The following IL17RE variants were observed in gnomAD, a reference collection of about 807,000 sequenced individuals.
IL17RE encodes the protein interleukin 17 receptor E, also known as interleukin-17 receptor E.
Under a neutral mutation model 70.7 loss-of-function variants are expected in IL17RE, and 47 were observed. That is an observed-to-expected ratio of 0.67 (90% confidence interval 0.53 to 0.85). The LOEUF is 0.85. Among genes scored for constraint, IL17RE ranks in the 40% least tolerant of loss-of-function variants. The probability of loss-of-function intolerance (pLI) is 0.00; values close to 1 mark genes in which losing one functional copy is unlikely to be tolerated. For synonymous variants in IL17RE, 372 were observed against 381.2 expected, an observed-to-expected ratio of 0.98 and a Z score of 0.28; for missense variants, 850 against 893.9, an observed-to-expected ratio of 0.95 and a Z score of 0.63.
rs1379153906 is a variant in IL17RE at position 9,902,965 on chromosome 3, GCCTCTCCTCCTCATAGTCATCGAC to G, written c.35_58del (p.Pro12_Asp19del). The G allele has an allele frequency of 1.4e-5, 22 of 1,614,130 alleles. No individual in the cohort carries two copies. The highest frequency in any genetic ancestry group is 1.9e-5 in the Non-Finnish European group (22 of 1,180,048). On this transcript the variant is annotated inframe_deletion, in exon 1 of 16. Coordinates refer to ENST00000383814, the MANE Select transcript of IL17RE (RefSeq NM_153480.2). ...GCTCCAGACTGGCAGCCCTGCTCCT[GCCTCTCCTCCTCATAGTCATCGAC>G]CTCTCTGACTCTGCTGGGATTGGCT... is the stretch of plus-strand genomic sequence containing the variant.
At chr3:9,903,597 A>G (rs1333786421) in intron 2 of IL17RE, among the ~76,000 whole-genome samples, 185 bp downstream of exon 2, 34 of 152,176 alleles carry the variant, frequency 2.2e-4, no homozygotes, top group Non-Finnish European at 1.3e-4. Flanking sequence ...GTGGCCTCAG[A>G]CTGTGCACCT....
chr3:9,911,288 C>T lies in IL17RE; in HGVS notation c.1060C>T (p.Pro354Ser). Reference sequence around the variant, plus strand: ...TGGAAACAGCAGCCATGTTGAATGCCCCCACCAGACTGGTGAGTCAATAAG... The same window carrying T: ...TGGAAACAGCAGCCATGTTGAATGCTCCCACCAGACTGGTGAGTCAATAAG... ...SFGNSSHVEC[P>S]HQTGSLTSWN... Residue 354 changes from proline to serine, a missense_variant, in exon 11 of 16, where the codon CCC (proline) becomes TCC (serine). Pro to Ser is a moderately conservative substitution (Grantham distance 74). Coordinates refer to ENST00000383814, the MANE Select transcript of IL17RE (RefSeq NM_153480.2). 6.2e-7 allele frequency: 1 copy of T among 1,614,102 alleles called. No homozygotes were observed. Among genetic ancestry groups the T allele is most frequent in the Non-Finnish European group, 8.5e-7 (1 of 1,180,006 alleles).
intron 7 of IL17RE, 64 bp downstream of exon 7, chr3:9,908,371 T>G: frequency 7.1e-7 from 1 of 1,407,804 alleles, no homozygotes; most frequent in African/African-American, 1.4e-5. Flanking sequence ...GGTAGCGCAG[T>G]TGGTCAAGTA....
In IL17RE at chr3:9,915,516, C is replaced by T. The variant is rs1037975961; in HGVS notation, c.1713C>T (p.Asp571=). The T allele has an allele frequency of 7.3e-5, 96 of 1,319,192 alleles. No homozygotes were observed. Among genetic ancestry groups the T allele is most frequent in the East Asian group, 3.1e-4 (10 of 31,838 alleles). 81.7% of individuals were successfully genotyped at this position (1,319,192 alleles called of 1,614,324 possible). A position where few individuals can be genotyped will look rare whatever the true frequency, so the allele number is the denominator to read the frequency against. ...GADLRPVSGP[D]PRAAPLLALL... Reference sequence around the variant, plus strand: ...ACCTTCGCCCGGTCAGCGGCCCCGACCCCCGCGCCGCGCCCCTGCTCGCCC... The same window carrying T: ...ACCTTCGCCCGGTCAGCGGCCCCGATCCCCGCGCCGCGCCCCTGCTCGCCC... Residue 571 remains aspartate, a synonymous_variant, in exon 16 of 16, where the codon GAC becomes GAT. Transcript: ENST00000383814. The surrounding 1 kb of genome is among the most constrained non-coding windows in gnomAD (Gnocchi z 4.9).
rs777104213 is a variant in IL17RE at position 9,906,743 on chromosome 3, G to A, written c.404G>A (p.Ser135Asn). 1.2e-6 allele frequency: 2 copies of A among 1,614,158 alleles called. No homozygotes were observed. The highest frequency in any genetic ancestry group is 1.7e-6 in the Non-Finnish European group (2 of 1,180,038). The change falls in exon 5 of 16, where the codon AGC (serine) becomes AAC (asparagine). Residue 135 changes from serine to asparagine, a missense_variant. By Grantham distance (46) the Ser-to-Asn change is conservative. Coordinates refer to ENST00000383814, the MANE Select transcript of IL17RE (RefSeq NM_153480.2). ...CCTCGTCGTCACCTGTCTGAGAAGA[G>A]CCATCACATTTCCATCCCCTCCCCA... ...LLPRRHLSEK[S>N]HHISIPSPDI...
At chr3:9,902,567 T>C, upstream of IL17RE, 1 of 1,465,456 alleles carries the variant, frequency 6.8e-7, no homozygotes, top group Non-Finnish European at 9.2e-7. Flanking sequence ...AGTGTGCTGA[T>C]GGGTGGATCA....
chr3:9,906,283 T>A (rs1352945208), intron 3 of IL17RE, 81 bp from the exon 4 acceptor site: 15 of 587,056 alleles, frequency 2.6e-5, no homozygotes, highest in Non-Finnish European at 3.5e-5. Context: ...AAAATAAAAT[T>A]ACTTACTAAC....
chr3:9,903,127 T>G, intron 1 of IL17RE, 63 bp downstream of exon 1: 1 of 1,431,436 alleles, frequency 7.0e-7, no homozygotes, highest in Non-Finnish European at 9.8e-7. Context: ...CCCACTCCCC[T>G]GCCTGCCCTG....
At position 9,910,868 on chromosome 3, in the gene IL17RE, G is replaced by T. The variant is rs765808702; in HGVS notation, c.806G>T (p.Gly269Val). ...ACTGACCCTGCCACCTGCCCAGATG[G>T]CTCGGACTTCTGGAAGTCAGTGCAC... ...CPFQSWPEAY[G>V]SDFWKSVHFT... Residue 269 changes from glycine to valine, a missense_variant, in exon 9 of 16, where the codon GGC (glycine) becomes GTC (valine). Transcript: ENST00000383814. The T allele has an allele frequency of 6.2e-7, 1 of 1,613,448 alleles. No homozygotes were observed.
At chr3:9,909,119 T>C (rs2082828750) in intron 7 of IL17RE, 98 bp from the exon 8 acceptor site, 2 of 995,322 alleles carry the variant, frequency 2.0e-6, no homozygotes, top group Non-Finnish European at 3.1e-6. Flanking sequence ...CTCAGGCAGC[T>C]TGCGTCACAG....
upstream of IL17RE, chr3:9,902,500 G>A (rs1269584861): frequency 3.0e-5 from 27 of 885,402 alleles, no homozygotes; most frequent in Middle Eastern, 8.6e-4. Context: ...TTAAGAGCTC[G>A]GCTAATTCTC....
At chr3:9,904,418 T>G (rs911802528) in intron 3 of IL17RE, among the ~76,000 whole-genome samples, 1 of 152,236 alleles carries the variant, frequency 6.6e-6, no homozygotes. Flanking sequence ...CAGGATCTTC[T>G]TTCTTACTCT....
At chr3:9,905,001 G>A (rs1355739761) in intron 3 of IL17RE, among the ~76,000 whole-genome samples, 1 of 143,458 alleles carries the variant, frequency 7.0e-6, no homozygotes, top group African/African-American at 2.6e-5. Flanking sequence ...AAGCTGAGGT[G>A]GGAGGATCAC....
At position 9,905,460 on chromosome 3, in the gene IL17RE, GGAAGGAAGGAAGGAAGGAAC is replaced by G. The variant is rs2082730733; in HGVS notation, c.269-888_269-869del. On this transcript the variant is annotated intron_variant, in intron 3 of 15. Transcript: ENST00000383814. ...GACAGAGCAAAATCCTGTCAAGAAA[GGAAGGAAGGAAGGAAGGAAC>G]GAAGGAAGGAAGGAACAAAGGAAGG... 3.3e-5 allele frequency among the ~76,000 whole-genome samples: 5 copies of G among 150,576 alleles called. No homozygotes were observed. The South Asian group carries it at 1.1e-3, about 32-fold the overall frequency.
chr3:9,915,057 G>C lies in IL17RE; in HGVS notation c.1448-194G>C, dbSNP rs1205316113. ...TGGAGCCCTGACCCTCTCTTCAGAA[G>C]GGGTGCCTTTATCTAATTAGCCCAT... On this transcript the variant is annotated intron_variant, in intron 15 of 15. Transcript: ENST00000383814. The surrounding 1 kb of genome is among the most constrained non-coding windows in gnomAD (Gnocchi z 4.9). Among the ~76,000 whole-genome samples, 1 of 152,166 alleles carries C rather than the reference G, an allele frequency of 6.6e-6. No individual in the cohort carries two copies. Among genetic ancestry groups the C allele is most frequent in the Non-Finnish European group, 1.5e-5 (1 of 68,014 alleles).
Position 9,915,421 on chromosome 3 carries a change from T to C in IL17RE, c.1618T>C (p.Trp540Arg), listed in dbSNP as rs912440416. 2.9e-6 allele frequency: 4 copies of C among 1,361,998 alleles called. No homozygotes were observed. Among genetic ancestry groups the C allele is most frequent in the Non-Finnish European group, 3.7e-6 (4 of 1,066,872 alleles). 84.4% of individuals were successfully genotyped at this position (1,361,998 alleles called of 1,614,324 possible). A position where few individuals can be genotyped will look rare whatever the true frequency, so the allele number is the denominator to read the frequency against. The change falls in exon 16 of 16, where the codon TGG (tryptophan) becomes CGG (arginine). Residue 540 changes from tryptophan to arginine, a missense_variant. Coordinates refer to ENST00000383814, the MANE Select transcript of IL17RE (RefSeq NM_153480.2). The surrounding 1 kb of genome is among the most constrained non-coding windows in gnomAD (Gnocchi z 4.9). ...CGTGGCGCGCGTGGGCCCGCTGCCG[T>C]GGCTCTGGGCGGCGCGGACGCGCGT... Reference protein sequence around the residue: ...RHVARVGPLPWLWAARTRVAR... With the variant: ...RHVARVGPLPRLWAARTRVAR...
At position 9,913,995 on chromosome 3, in the gene IL17RE, C is replaced by G; in HGVS notation, c.1267C>G (p.Pro423Ala). The G allele has an allele frequency of 1.2e-6, 2 of 1,614,078 alleles. No homozygotes were observed. Among genetic ancestry groups the G allele is most frequent in the Non-Finnish European group, 1.7e-6 (2 of 1,179,908 alleles). Residue 423 changes from proline (P) to alanine (A), a missense_variant, in exon 13 of 16, where the codon CCC becomes GCC. Transcript: ENST00000383814. ...CCCAGTGTCACTAGACCTCATCATTCCCTTCCTGAGGCCAGGGTGCTGTGT... is the reference window on the plus strand; with the variant it reads ...CCCAGTGTCACTAGACCTCATCATTGCCTTCCTGAGGCCAGGGTGCTGTGT... ...SSPVSLDLII[P>A]FLRPGCCVLV...
chr3:9,915,508 G>A lies in IL17RE; in HGVS notation c.1705G>A (p.Gly569Ser), dbSNP rs886637355. 3 of 1,312,960 alleles carry A rather than the reference G, an allele frequency of 2.3e-6. No individual in the cohort carries two copies. The highest frequency in any genetic ancestry group is 2.9e-6 in the Non-Finnish European group (3 of 1,040,246). The allele number at this position is 1,312,960 out of a possible 1,614,324, so 81.3% of individuals were successfully genotyped here. ...CGGCGCCGACCTTCGCCCGGTCAGC[G>A]GCCCCGACCCCCGCGCCGCGCCCCT... ...WSGADLRPVS[G>S]PDPRAAPLLA... The change falls in exon 16 of 16, where the codon GGC becomes AGC. Residue 569 changes from glycine (G) to serine (S), a missense_variant. Transcript: ENST00000383814. This position sits in a 1 kb window ranked among gnomAD's most constrained non-coding sequence, Gnocchi z 4.9.
Position 9,915,428 on chromosome 3 carries a change from G to T in IL17RE, c.1625G>T (p.Trp542Leu). 7.4e-7 allele frequency: 1 copy of T among 1,358,392 alleles called. No homozygotes were observed. Among genetic ancestry groups the T allele is most frequent in the Non-Finnish European group, 9.4e-7 (1 of 1,064,544 alleles). 84.1% of individuals were successfully genotyped at this position (1,358,392 alleles called of 1,614,324 possible). A position where few individuals can be genotyped will look rare whatever the true frequency, so the allele number is the denominator to read the frequency against. ...CGCGTGGGCCCGCTGCCGTGGCTCT[G>T]GGCGGCGCGGACGCGCGTAGCGCGG... Reference protein sequence around the residue: ...VARVGPLPWLWAARTRVAREQ... With the variant: ...VARVGPLPWLLAARTRVAREQ... The change falls in exon 16 of 16, where the codon TGG (tryptophan) becomes TTG (leucine). Residue 542 changes from tryptophan to leucine, a missense_variant. Coordinates refer to ENST00000383814, the MANE Select transcript of IL17RE (RefSeq NM_153480.2). This position sits in a 1 kb window ranked among gnomAD's most constrained non-coding sequence, Gnocchi z 4.9.
Sources: allele counts gnomAD v4.1 joint callset (sites outside exome capture counted in the v4.1 genomes callset), GRCh38; gene constraint gnomAD v4.1.1; non-coding constraint Gnocchi (gnomAD v3.1); transcripts MANE v1.5; gene names NCBI Gene and HGNC (gene_info 2026-07-23, HGNC 2026-07-21).